The following HELZ variants were observed in gnomAD, a reference collection of about 807,000 sequenced individuals.
The protein encoded by HELZ is helicase with zinc finger.
Under a neutral mutation model 218.2 loss-of-function variants are expected in HELZ, and 23 were observed. The ratio of observed to expected loss-of-function variants is 0.11; its 90% CI spans 0.08 to 0.15. HELZ has a LOEUF of 0.15. Ranked by LOEUF, HELZ falls within the 10% of genes least tolerant of loss-of-function variation. The pLI, the probability that HELZ is intolerant of heterozygous loss-of-function variation, is 1.00. For missense variants in HELZ, 1,813 were observed against 2,353.7 expected, an observed-to-expected ratio of 0.77 and a Z score of 4.75; for synonymous variants, 814 against 829.4, an observed-to-expected ratio of 0.98 and a Z score of 0.32.
chr17:67,090,628 G>C (rs2036548653), intron 31 of HELZ, among the ~76,000 whole-genome samples: 1 of 152,096 alleles, frequency 6.6e-6, no homozygotes, highest in South Asian at 2.1e-4. Context: ...TTTTAAGGAA[G>C]TGGTTCATTT....
chr17:67,197,755 G>A (rs2040069311), intron 7 of HELZ, among the ~76,000 whole-genome samples: 1 of 152,208 alleles, frequency 6.6e-6, no homozygotes, highest in African/African-American at 2.4e-5. Context: ...TAATTTATAT[G>A]TGGTTGATTA....
chr17:67,227,373 A>G (rs1375451985), intron 3 of HELZ, among the ~76,000 whole-genome samples: 2 of 152,046 alleles, frequency 1.3e-5, no homozygotes, highest in African/African-American at 4.8e-5. Flanking sequence ...TTGTATTTTC[A>G]GTAGACGGTT....
intron 13 of HELZ, among the ~76,000 whole-genome samples, chr17:67,170,697 C>T (rs997942453): frequency 4.6e-5 from 7 of 151,682 alleles, no homozygotes; most frequent in African/African-American, 1.7e-4. Context: ...CGTGATGGCC[C>T]GGCCTGTAGT....
intron 31 of HELZ, among the ~76,000 whole-genome samples, chr17:67,102,082 G>A (rs1376634692): frequency 6.6e-6 from 1 of 152,194 alleles, no homozygotes; most frequent in Non-Finnish European, 1.5e-5. Flanking sequence ...CTTTTGCTGC[G>A]TTTGAGGTGG....
intron 5 of HELZ, among the ~76,000 whole-genome samples, chr17:67,209,226 T>C (rs1049802580): frequency 2.6e-5 from 4 of 152,190 alleles, no homozygotes; most frequent in Admixed American, 2.0e-4. Context: ...ACAATCTTTT[T>C]CATTTCTAGA....
chr17:67,151,123 T>C lies in HELZ; in HGVS notation c.2279A>G (p.Glu760Gly). ...AHSTFQMPQK[E>G]DILKHRVVVV... ...CACCACTCGATGTTTAAGAATATCT[T>C]CTTTCTGGGGCATCTGAAAGGTGGA... The change falls in exon 18 of 33, where the codon GAA becomes GGA. Residue 760 changes from glutamate (E) to glycine (G), a missense_variant. Physicochemically the swap from Glu to Gly is moderately conservative, Grantham distance 98 (BLOSUM62 -2). Around this residue, in one of 4 missense-constraint regions of HELZ, gnomAD observed 714 missense variants for 1,029.2 expected, o/e 0.69. Transcript: ENST00000358691. 6.2e-7 allele frequency: 1 copy of C among 1,613,972 alleles called. No homozygotes were observed. Among genetic ancestry groups the C allele is most frequent in the Non-Finnish European group, 8.5e-7 (1 of 1,179,850 alleles).
intron 17 of HELZ, among the ~76,000 whole-genome samples, chr17:67,157,020 C>G (rs2144087933): frequency 6.6e-6 from 1 of 152,200 alleles, no homozygotes; most frequent in South Asian, 2.1e-4. Context: ...AAGTGTGTGG[C>G]ACCTCCCACA....
At chr17:67,183,826 C>T (rs1598386615) in intron 12 of HELZ, among the ~76,000 whole-genome samples, 2 of 151,770 alleles carry the variant, frequency 1.3e-5, no homozygotes, top group Admixed American at 1.3e-4. Context: ...TATATAGTGT[C>T]TTTTTCTGAA....
intron 2 of HELZ, among the ~76,000 whole-genome samples, chr17:67,240,650 C>A (rs950212267): frequency 1.3e-5 from 2 of 152,142 alleles, no homozygotes; most frequent in Non-Finnish European, 2.9e-5. Context: ...AAATCACAAA[C>A]ATTCACACTT....
At chr17:67,152,022 G>C (rs1389351463) in intron 17 of HELZ, among the ~76,000 whole-genome samples, 1 of 152,204 alleles carries the variant, frequency 6.6e-6, no homozygotes, top group African/African-American at 2.4e-5. Flanking sequence ...CCAACAGAGA[G>C]TTCCAACAGG....
chr17:67,238,469 G>GA, intron 3 of HELZ, among the ~76,000 whole-genome samples: 2 of 152,038 alleles, frequency 1.3e-5, no homozygotes, highest in Non-Finnish European at 2.9e-5. Context: ...ATCACCTGAG[G>GA]TCAGGGGTTT....
At position 67,132,218 on chromosome 17, in the gene HELZ, C is replaced by CTGTGTGTGTGTGTGTG. The variant is rs57691319; in HGVS notation, c.3183-3379_3183-3364dup. Among the ~76,000 whole-genome samples, 976 of 147,958 alleles carry CTGTGTGTGTGTGTGTG rather than the reference C, an allele frequency of 6.6e-3. 10 individuals are homozygous for CTGTGTGTGTGTGTGTG. The highest frequency in any genetic ancestry group is 0.011 in the African/African-American group (452 of 40,610). ...AAAATCACTTGGTGTCCTTAGGTCA[C>CTGTGTGTGTGTGTGTG]TGTGTGTGTGTGTGTGTGTGTGTGT... On this transcript the variant is annotated intron_variant, in intron 23 of 32. Coordinates refer to ENST00000358691, the MANE Select transcript of HELZ (RefSeq NM_014877.4).
chr17:67,102,858 AC>A (rs1461219695), intron 31 of HELZ, among the ~76,000 whole-genome samples: 1 of 152,216 alleles, frequency 6.6e-6, no homozygotes, highest in African/African-American at 2.4e-5. Flanking sequence ...CACTCTAAGA[AC>A]CCACTGACAA....
At chr17:67,185,734 T>C (rs2039736070) in intron 12 of HELZ, among the ~76,000 whole-genome samples, 1 of 152,156 alleles carries the variant, frequency 6.6e-6, no homozygotes. Flanking sequence ...TCCAAATTAG[T>C]CCAAGAAAAT....
In HELZ at chr17:67,166,507, C is replaced by T; in HGVS notation, c.1866G>A (p.Met622Ile). Residue 622 changes from methionine to isoleucine, a missense_variant, in exon 15 of 33, where the codon ATG becomes ATA. Met to Ile is a conservative substitution (Grantham distance 10). Transcript: ENST00000358691. The part of the protein sequence containing the change: ...DNGVLFPDIS[M>I]TPTIPWSPNR... ...TAGGACTCCATGGTATGGTGGGAGT[C>T]ATACTGATGTCTGGAAACAAAACCC... 1.1e-5 allele frequency: 18 copies of T among 1,613,348 alleles called. No individual in the cohort carries two copies. Among genetic ancestry groups the T allele is most frequent in the Non-Finnish European group, 1.5e-5 (18 of 1,179,404 alleles).
chr17:67,196,570 T>TTGGATGGA (rs200704348), intron 7 of HELZ, among the ~76,000 whole-genome samples: 1,474 of 127,932 alleles, frequency 0.012, 30 homozygotes, highest in African/African-American at 0.058. Context: ...GGTTGGTTAG[T>TTGGATGGA]TGGATGGATG....
At chr17:67,134,608 T>C (rs1567829320) in intron 23 of HELZ, among the ~76,000 whole-genome samples, 1 of 152,118 alleles carries the variant, frequency 6.6e-6, no homozygotes, top group African/African-American at 2.4e-5. Context: ...CTATAAAGGA[T>C]ATTAACTTTT....
chr17:67,164,084 T>C (rs1265428858), intron 15 of HELZ, among the ~76,000 whole-genome samples: 2 of 152,236 alleles, frequency 1.3e-5, no homozygotes, highest in Non-Finnish European at 2.9e-5. Context: ...CTCGAAATTC[T>C]TATGAACTTA....
chr17:67,214,668 CAA>C (rs1418793494), intron 5 of HELZ, among the ~76,000 whole-genome samples: 1 of 151,916 alleles, frequency 6.6e-6, no homozygotes, highest in Non-Finnish European at 1.5e-5. Context: ...TCTGGATGAA[CAA>C]AACACTGTAT....
Sources: gnomAD v4.1 joint callset for allele counts (sites outside exome capture counted in the v4.1 genomes callset) on GRCh38, gnomAD v4.1.1 for gene constraint, gnomAD v4.1.1 regional missense constraint, MANE v1.5 for transcripts, NCBI Gene and HGNC (gene_info 2026-07-23, HGNC 2026-07-21) for gene names.